GAB3: variants seen among roughly 807,000 people sequenced by gnomAD.
The protein encoded by GAB3 is GRB2 associated binding protein 3.
In GAB3, 12 loss-of-function variants were observed where a neutral mutation model predicts 40.4. The ratio of observed to expected loss-of-function variants is 0.30; its 90% confidence interval spans 0.19 to 0.48. GAB3 has a LOEUF of 0.48. Ranked by LOEUF, GAB3 falls within the 20% of genes least tolerant of loss-of-function variation. The pLI is 0.99. For synonymous variants in GAB3, 154 were observed against 176.7 expected (o/e 0.87, Z 1.02); for missense variants, 381 against 461.9 (o/e 0.82, Z 1.61).
At chrX:154,710,421 G>C (rs1404868780) in intron 4 of GAB3, among the ~76,000 whole-genome samples, 1 of 111,875 alleles carries the variant, frequency 8.9e-6, no homozygotes, top group Non-Finnish European at 1.9e-5. Flanking sequence ...GTAATTAAGA[G>C]AGTGTGGCAC....
chrX:154,699,262 C>G, intron 6 of GAB3, 32 bp downstream of exon 6: 2 of 1,123,944 alleles, frequency 1.8e-6, no homozygotes, highest in South Asian at 1.8e-5. Flanking sequence ...TGCTCCCCTA[C>G]CCCTGTACAG....
chrX:154,691,150 C>A (rs2070556237), intron 8 of GAB3, among the ~76,000 whole-genome samples: 1 of 107,535 alleles, frequency 9.3e-6, no homozygotes, highest in Admixed American at 1.0e-4. Context: ...TCATCATTCT[C>A]AGTAAACTAT....
intron 1 of GAB3, among the ~76,000 whole-genome samples, chrX:154,725,736 A>T (rs1437150046): frequency 9.0e-6 from 1 of 111,183 alleles, no homozygotes; most frequent in Non-Finnish European, 1.9e-5. Context: ...ACTACTGAAG[A>T]CCCCCAATCT....
intron 4 of GAB3, among the ~76,000 whole-genome samples, chrX:154,708,132 T>A (rs887359989): frequency 4.5e-5 from 5 of 110,571 alleles, no homozygotes; most frequent in Non-Finnish European, 7.6e-5. Context: ...GAAAGGAGAG[T>A]CTCTTCAATA....
chrX:154,713,411 C>A lies in GAB3; in HGVS notation c.392G>T (p.Ser131Ile). 1 of 1,204,964 alleles carries A rather than the reference C, an allele frequency of 8.3e-7. No homozygotes were observed. Among genetic ancestry groups the A allele is most frequent in the Non-Finnish European group, 1.1e-6 (1 of 891,843 alleles). Residue 131 changes from serine to isoleucine, a missense_variant, in exon 3 of 10, where the codon AGC (serine) becomes ATC (isoleucine). Physicochemically the swap from Ser to Ile is moderately radical, Grantham distance 142 (BLOSUM62 -2). This residue lies in a region of GAB3 where 364 missense variants were observed against 421.0 expected (regional missense o/e 0.86). Transcript: ENST00000424127. ...CAGGGAGGAGGGCGTGTAAGAGAGG[C>A]TCTCCATGGAATCTGCTGGAGAAAT... ...LEDGAADSMESLSYTPSSLQP... is the reference protein window; with the variant it reads ...LEDGAADSMEILSYTPSSLQP...
intron 4 of GAB3, among the ~76,000 whole-genome samples, chrX:154,709,092 T>C (rs1274821507): frequency 9.2e-6 from 1 of 108,841 alleles, no homozygotes; most frequent in Non-Finnish European, 1.9e-5. Context: ...TGTCTTGTGA[T>C]AGAGCTCTCA....
intron 8 of GAB3, among the ~76,000 whole-genome samples, chrX:154,691,349 C>T (rs2070563283): frequency 9.4e-6 from 1 of 106,880 alleles, no homozygotes; most frequent in Admixed American, 1.0e-4. Flanking sequence ...AGCGCACCAG[C>T]ATGGCACATG....
chrX:154,709,480 T>C (rs1326804039), intron 4 of GAB3, among the ~76,000 whole-genome samples: 2 of 108,974 alleles, frequency 1.8e-5, no homozygotes, highest in Admixed American at 9.8e-5. Context: ...GCCACCACAC[T>C]GGGTAATTTT....
chrX:154,687,898 G>A (rs781961317), intron 8 of GAB3, among the ~76,000 whole-genome samples: 1 of 111,899 alleles, frequency 8.9e-6, no homozygotes, highest in East Asian at 2.8e-4. Context: ...TATTACAGAG[G>A]TGCAAAGAAA....
intron 7 of GAB3, 25 bp from the exon 8 acceptor site, chrX:154,696,044 T>A: frequency 3.9e-4 from 326 of 842,448 alleles, no homozygotes; most frequent in Non-Finnish European, 5.3e-4. Flanking sequence ...ATAGATGAGG[T>A]CAAAGCAATG....
intron 8 of GAB3, among the ~76,000 whole-genome samples, chrX:154,687,016 CCT>C (rs1557247962): frequency 9.2e-6 from 1 of 108,674 alleles, no homozygotes; most frequent in African/African-American, 3.4e-5. Flanking sequence ...ATGGTGAATC[CCT>C]GTCTCTACTA....
intron 4 of GAB3, among the ~76,000 whole-genome samples, chrX:154,708,601 T>C (rs188558734): frequency 8.9e-6 from 1 of 111,999 alleles, no homozygotes; most frequent in East Asian, 2.8e-4. Flanking sequence ...CCAACAGGTA[T>C]ATGAAAAAAT....
At position 154,712,607 on chromosome X, in the gene GAB3, G is replaced by A. The variant is rs782182298; in HGVS notation, c.691C>T (p.Pro231Ser). ...GAGGGGTGGACCAAATGACTGGAGG[G>A]GAGCGGCTGCAGGCAGTCAACAAAA... is the stretch of plus-strand genomic sequence containing the variant. ...DVFVDCLQPL[P>S]SSHLVHPSCH... is the part of the protein sequence containing the mutation. The change falls in exon 4 of 10, where the codon CCC becomes TCC. Residue 231 changes from proline (P) to serine (S), a missense_variant. Around this residue, in one of 2 missense-constraint regions of GAB3, gnomAD observed 364 missense variants for 421.0 expected, o/e 0.86. Coordinates refer to ENST00000424127, the MANE Select transcript of GAB3 (RefSeq NM_001081573.3). 1 of 1,141,826 alleles carries A rather than the reference G, an allele frequency of 8.8e-7. No individual in the cohort carries two copies. Among genetic ancestry groups the A allele is most frequent in the Non-Finnish European group, 1.2e-6 (1 of 862,874 alleles). 94.1% of individuals were successfully genotyped at this position (1,141,826 alleles called of 1,213,427 possible).
At chrX:154,742,315 G>A (rs782080921) in intron 1 of GAB3, among the ~76,000 whole-genome samples, 1 of 111,599 alleles carries the variant, frequency 9.0e-6, no homozygotes, top group South Asian at 3.7e-4. Flanking sequence ...TTACAGTGGA[G>A]TTACATCCCA....
At chrX:154,717,823 G>C (rs782343828) in intron 1 of GAB3, among the ~76,000 whole-genome samples, 3 of 112,083 alleles carry the variant, frequency 2.7e-5, no homozygotes, top group Non-Finnish European at 5.6e-5. Context: ...AAATGTTTGA[G>C]TTCCTTGTCT....
At chrX:154,748,276 A>C (rs1557262292) in intron 1 of GAB3, among the ~76,000 whole-genome samples, 2 of 111,934 alleles carry the variant, frequency 1.8e-5, no homozygotes, top group African/African-American at 6.5e-5. Flanking sequence ...CGTTAGTAGA[A>C]TATGATCCCA....
chrX:154,710,130 T>C (rs1273973490), intron 4 of GAB3, among the ~76,000 whole-genome samples: 1 of 112,585 alleles, frequency 8.9e-6, no homozygotes, highest in Non-Finnish European at 1.9e-5. Context: ...ACCTTGAATA[T>C]GTGCAATCTT....
At chrX:154,732,839 C>T (rs1029610198) in intron 1 of GAB3, among the ~76,000 whole-genome samples, 5 of 111,042 alleles carry the variant, frequency 4.5e-5, no homozygotes, top group Admixed American at 9.6e-5. Flanking sequence ...TCCGAGCCCC[C>T]GGCCAGCACA....
At chrX:154,714,649 T>G (rs1557257255) in intron 2 of GAB3, among the ~76,000 whole-genome samples, 1 of 112,435 alleles carries the variant, frequency 8.9e-6, no homozygotes, top group Non-Finnish European at 1.9e-5. Context: ...CTCTCCAGTT[T>G]CGGCCTGGTG....
Sources: allele counts gnomAD v4.1 joint callset (sites outside exome capture counted in the v4.1 genomes callset), GRCh38; gene constraint gnomAD v4.1.1; regional missense constraint gnomAD v4.1.1; transcripts MANE v1.5; gene names NCBI Gene and HGNC (gene_info 2026-07-23, HGNC 2026-07-21).